Variants in RAI1 observed in about 807,000 individuals in gnomAD.
RAI1 encodes retinoic acid induced 1.
Under a neutral mutation model 123.8 loss-of-function variants are expected in RAI1, and 9 were observed. The ratio of observed to expected loss-of-function variants is 0.07; its 90% CI spans 0.04 to 0.13. The LOEUF is 0.13. Among genes scored for constraint, RAI1 ranks in the 10% least tolerant of loss-of-function variants. The pLI, the probability that RAI1 is intolerant of heterozygous loss-of-function variation, is 1.00. For missense variants in RAI1, 2,256 were observed against 2,545.8 expected (o/e 0.89, Z 2.45); for synonymous variants, 1,231 against 1,127.3 (o/e 1.09, Z -1.84).
chr17:17,764,606 G>T (rs1020310453), intron 2 of RAI1, among the ~76,000 whole-genome samples: 2 of 151,910 alleles, frequency 1.3e-5, no homozygotes, highest in African/African-American at 4.8e-5. Flanking sequence ...ACAAGTAGCT[G>T]GGATTACAGG....
chr17:17,809,856 C>G lies in RAI1; in HGVS notation c.5710-114C>G. 6.9e-7 allele frequency: 1 copy of G among 1,447,922 alleles called. No homozygotes were observed. The allele number at this position is 1,447,922 out of a possible 1,614,324, so 89.7% of individuals were successfully genotyped here. ...CGGCCTCGGGCGGAGACCCCAGCCG[C>G]GCTCTGGGGTCGCCTGGGTCTGGGG... On this transcript the variant is annotated intron_variant, in intron 5 of 5. Transcript: ENST00000353383. This position sits in a 1 kb window ranked among gnomAD's most constrained non-coding sequence, Gnocchi z 4.9.
chr17:17,760,252 T>A (rs1408171687), intron 2 of RAI1, among the ~76,000 whole-genome samples: 1 of 152,210 alleles, frequency 6.6e-6, no homozygotes, highest in Non-Finnish European at 1.5e-5. Context: ...GCCCCCACTT[T>A]ACTGATATCC....
chr17:17,786,997 C>T (rs993248864), intron 2 of RAI1, among the ~76,000 whole-genome samples: 1 of 152,162 alleles, frequency 6.6e-6, no homozygotes, highest in Non-Finnish European at 1.5e-5. Context: ...GCCCAGATCG[C>T]GCCATTACAC....
In RAI1 at chr17:17,798,465, C is replaced by T. The variant is rs377747563; in HGVS notation, c.5517C>T (p.Ala1839=). The change falls in exon 3 of 6, where the codon GCC becomes GCT. Residue 1839 remains alanine, a synonymous_variant. Transcript: ENST00000353383. ...GGACCGGCGGCGTCTACCTGGTGGC[C>T]GGGAAGCTCTTTGGGCTGCAGGAGG... ...AVWTGGVYLV[A]GKLFGLQEAM... is the part of the protein sequence containing the mutation. 2.2e-5 allele frequency: 35 copies of T among 1,606,054 alleles called. No individual in the cohort carries two copies. The highest frequency in any genetic ancestry group is 2.6e-5 in the Non-Finnish European group (31 of 1,179,880).
intron 2 of RAI1, among the ~76,000 whole-genome samples, chr17:17,756,364 A>G (rs1598056886): frequency 6.6e-6 from 1 of 151,802 alleles, no homozygotes; most frequent in Admixed American, 6.6e-5. Flanking sequence ...TGCCTGGCTA[A>G]TTTTGTATTT....
At chr17:17,764,608 G>T (rs565989360) in intron 2 of RAI1, among the ~76,000 whole-genome samples, 3 of 152,234 alleles carry the variant, frequency 2.0e-5, no homozygotes, top group South Asian at 2.1e-4. Context: ...AAGTAGCTGG[G>T]ATTACAGGTG....
intron 2 of RAI1, 144 bp from the exon 3 acceptor site, chr17:17,792,789 C>G (rs2143001390): frequency 1.6e-6 from 1 of 623,846 alleles, no homozygotes; most frequent in African/African-American, 2.9e-5. Context: ...CGCGGGGGAG[C>G]AGGCAGGGTG....
At position 17,685,056 on chromosome 17, in the gene RAI1, G is replaced by A. The variant is rs1390512123; in HGVS notation, c.-149+3263G>A. On this transcript the variant is annotated intron_variant, in intron 1 of 5. Coordinates refer to ENST00000353383, the MANE Select transcript of RAI1 (RefSeq NM_030665.4). The surrounding 1 kb of genome is among the most constrained non-coding windows in gnomAD (Gnocchi z 4.0). ...AATGCTGATTGCTGCCGTCATTGTTGTATTGTTATTGCTGTTCTATCTCCA... is the reference window on the plus strand; with the variant it reads ...AATGCTGATTGCTGCCGTCATTGTTATATTGTTATTGCTGTTCTATCTCCA... 3 of 152,258 alleles carry A rather than the reference G, an allele frequency of 2.0e-5. No homozygotes were observed. Among genetic ancestry groups the A allele is most frequent in the Non-Finnish European group, 2.9e-5 (2 of 68,048 alleles). The allele number at this position is 152,258 out of a possible 1,614,324, so 9.4% of individuals were successfully genotyped here. A position where few individuals can be genotyped will look rare whatever the true frequency, so the allele number is the denominator to read the frequency against.
intron 4 of RAI1, chr17:17,804,149 A>G (rs886722127): frequency 6.6e-6 from 3 of 456,454 alleles, no homozygotes; most frequent in African/African-American, 4.0e-5. Context: ...GCCAAGGGGC[A>G]GGGAGGATCT....
At chr17:17,698,583 G>C in intron 1 of RAI1, among the ~76,000 whole-genome samples, 1 of 152,216 alleles carries the variant, frequency 6.6e-6, no homozygotes, top group East Asian at 1.9e-4. Context: ...CCGGAGGTGA[G>C]GGGGTGGGCC....
chr17:17,792,797 G>C (rs1261189012), intron 2 of RAI1, 136 bp from the exon 3 acceptor site: 5 of 713,386 alleles, frequency 7.0e-6, no homozygotes, highest in East Asian at 5.4e-5. Flanking sequence ...AGCAGGCAGG[G>C]TGGGGAGGTG....
intron 2 of RAI1, among the ~76,000 whole-genome samples, chr17:17,786,033 G>A (rs1434288488): frequency 3.3e-5 from 5 of 152,164 alleles, no homozygotes; most frequent in African/African-American, 7.2e-5. Flanking sequence ...TCTTTTTCAA[G>A]GGAAAAGCTC....
rs377021942 is a variant in RAI1 at position 17,685,348 on chromosome 17, A to G, written c.-149+3555A>G. 2.0e-4 allele frequency among the ~76,000 whole-genome samples: 30 copies of G among 152,238 alleles called. No individual in the cohort carries two copies. The highest frequency in any genetic ancestry group is 7.2e-4 in the African/African-American group (30 of 41,454). On this transcript the variant is annotated intron_variant, in intron 1 of 5. Coordinates refer to ENST00000353383, the MANE Select transcript of RAI1 (RefSeq NM_030665.4). This position sits in a 1 kb window ranked among gnomAD's most constrained non-coding sequence, Gnocchi z 4.0. ...AAGCATCCCTGCACTTGACCACAAGAAGGTCACAGCCCAGTGGGTGATTGG... is the reference window on the plus strand; with the variant it reads ...AAGCATCCCTGCACTTGACCACAAGGAGGTCACAGCCCAGTGGGTGATTGG...
At chr17:17,792,330 T>TGTGTGTGC (rs1567911872) in intron 2 of RAI1, among the ~76,000 whole-genome samples, 1 of 151,692 alleles carries the variant, frequency 6.6e-6, no homozygotes, top group African/African-American at 2.4e-5. Flanking sequence ...TGTGTGTGTG[T>TGTGTGTGC]GCGCGCGTGT....
Position 17,809,341 on chromosome 17 carries a change from G to C in RAI1, c.5660-49G>C, listed in dbSNP as rs1246319855. 1 of 1,531,782 alleles carries C rather than the reference G, an allele frequency of 6.5e-7. No individual in the cohort carries two copies. The highest frequency in any genetic ancestry group is 9.0e-7 in the Non-Finnish European group (1 of 1,105,702). The allele number at this position is 1,531,782 out of a possible 1,614,324, so 94.9% of individuals were successfully genotyped here. A position where few individuals can be genotyped will look rare whatever the true frequency, so the allele number is the denominator to read the frequency against. On this transcript the variant is annotated intron_variant, in intron 4 of 5. Coordinates refer to ENST00000353383, the MANE Select transcript of RAI1 (RefSeq NM_030665.4). This position sits in a 1 kb window ranked among gnomAD's most constrained non-coding sequence, Gnocchi z 4.9. ...TGGCTGCAGACAAAACCCCACAGCT[G>C]TGGGGCCCCCACCCTGTCCTAACCA... is the stretch of plus-strand genomic sequence containing the variant.
At chr17:17,804,060 G>A (rs1251642441) in intron 4 of RAI1, 2 of 673,010 alleles carry the variant, frequency 3.0e-6, no homozygotes, top group South Asian at 3.2e-5. Context: ...CCAGGCACCT[G>A]CTTGAGGAGT....
At chr17:17,761,001 TTC>T (rs1350396007) in intron 2 of RAI1, among the ~76,000 whole-genome samples, 3 of 152,234 alleles carry the variant, frequency 2.0e-5, no homozygotes, top group African/African-American at 7.2e-5. Context: ...AGGCAGCTCA[TTC>T]ACAGTGAAAG....
intron 1 of RAI1, among the ~76,000 whole-genome samples, chr17:17,698,393 G>A (rs546733031): frequency 7.2e-4 from 110 of 152,286 alleles, no homozygotes; most frequent in African/African-American, 2.5e-3. Flanking sequence ...CTGGATTCTG[G>A]GCGTTGTCTC....
intron 2 of RAI1, among the ~76,000 whole-genome samples, chr17:17,768,142 T>C (rs1438234306): frequency 2.6e-5 from 4 of 152,176 alleles, no homozygotes; most frequent in Admixed American, 6.5e-5. Flanking sequence ...ATCATGACCT[T>C]CTTGCAGCAT....
Sources: allele counts gnomAD v4.1 joint callset (sites outside exome capture counted in the v4.1 genomes callset), GRCh38; gene constraint gnomAD v4.1.1; non-coding constraint Gnocchi (gnomAD v3.1); transcripts MANE v1.5; gene names NCBI Gene and HGNC (gene_info 2026-07-23, HGNC 2026-07-21).